SGCD: variants seen among roughly 807,000 people sequenced by gnomAD.
SGCD encodes sarcoglycan delta.
In SGCD, 18 loss-of-function variants were observed where a neutral mutation model predicts 36.6. The observed-to-expected ratio is 0.49, with a 90% CI of 0.34 to 0.73. The LOEUF (loss-of-function observed/expected upper bound fraction) is 0.73, where lower values mean the gene tolerates loss of function less well. Ranked by LOEUF, SGCD falls within the 30% of genes least tolerant of loss-of-function variation. The pLI, the probability that SGCD is intolerant of heterozygous loss-of-function variation, is 0.01. For missense variants in SGCD, 387 were observed against 346.7 expected, an observed-to-expected ratio of 1.12 and a Z score of -0.92; for synonymous variants, 133 against 130.6, an observed-to-expected ratio of 1.02 and a Z score of -0.12.
chr5:155,860,903 G>A, the SGCD span, among the ~76,000 whole-genome samples: 1 of 152,164 alleles, frequency 6.6e-6, no homozygotes, highest in Non-Finnish European at 1.5e-5. Flanking sequence ...TATAATGCAA[G>A]GTTTTTATAA....
At chr5:156,253,630 TAAC>T (rs1313658195) in intron 3 of SGCD, among the ~76,000 whole-genome samples, 4 of 152,292 alleles carry the variant, frequency 2.6e-5, no homozygotes, top group East Asian at 3.9e-4. Flanking sequence ...CTATAAATCA[TAAC>T]AACGAGTATA....
At chr5:155,813,997 G>A in the SGCD span, among the ~76,000 whole-genome samples, 15 of 152,094 alleles carry the variant, frequency 9.9e-5, no homozygotes, top group African/African-American at 2.9e-4. Context: ...TGAGATATTG[G>A]CACTGTGAAA....
At chr5:156,221,332 T>A (rs1403524225) in intron 3 of SGCD, among the ~76,000 whole-genome samples, 1 of 152,108 alleles carries the variant, frequency 6.6e-6, no homozygotes, top group Non-Finnish European at 1.5e-5. Flanking sequence ...ATGTATTCAT[T>A]GAATCATTAC....
Position 156,763,077 on chromosome 5 carries a change from A to G in SGCD, c.*3687A>G, listed in dbSNP as rs72803046. 12,162 of 152,670 alleles carry G rather than the reference A, an allele frequency of 0.08. 781 individuals carry two copies. Among genetic ancestry groups the G allele is most frequent in the African/African-American group, 0.17 (7,222 of 41,494 alleles). The allele number at this position is 152,670 out of a possible 1,614,324, so 9.5% of individuals were successfully genotyped here. Reference sequence around the variant, plus strand: ...GGAGGATGGGATTAGTGGAAGCTTAATGGAAAAGGAAAGTTATGATCCTCC... The same window carrying G: ...GGAGGATGGGATTAGTGGAAGCTTAGTGGAAAAGGAAAGTTATGATCCTCC... On this transcript the variant is annotated 3_prime_UTR_variant, in exon 9 of 9. Transcript: ENST00000337851.
rs1208823144 is a variant in SGCD, at chr5:156,344,417, T to TG, written c.4-72_4-71insG. On this transcript the variant is annotated intron_variant, in intron 2 of 8. Transcript: ENST00000337851. ...CATATCTCTTCATCAGTTGATTTTT[T>TG]TTTCCTTTATTTTTTTTCTCTTCTC... 4 of 1,090,642 alleles carry TG rather than the reference T, an allele frequency of 3.7e-6. No homozygotes were observed. The Admixed American group carries it at 1.1e-4, about 30-fold the overall frequency. The allele number at this position is 1,090,642 out of a possible 1,614,324, so 67.6% of individuals were successfully genotyped here. A position where few individuals can be genotyped will look rare whatever the true frequency, so the allele number is the denominator to read the frequency against.
At chr5:155,950,200 C>T (rs1757522441) in intron 1 of SGCD, among the ~76,000 whole-genome samples, 1 of 152,132 alleles carries the variant, frequency 6.6e-6, no homozygotes, top group Non-Finnish European at 1.5e-5. Flanking sequence ...TGTCTCTACT[C>T]CGTTCTTTGA....
chr5:155,742,594 G>A, the SGCD span, among the ~76,000 whole-genome samples: 1 of 152,202 alleles, frequency 6.6e-6, no homozygotes, highest in South Asian at 2.1e-4. Flanking sequence ...ACGTTCAGAC[G>A]TTACAAGCCT....
At chr5:156,563,498 C>A (rs1265321180) in intron 4 of SGCD, among the ~76,000 whole-genome samples, 1 of 152,200 alleles carries the variant, frequency 6.6e-6, no homozygotes, top group Non-Finnish European at 1.5e-5. Context: ...AGGCAGTCTT[C>A]TACAATGTGA....
intron 2 of SGCD, among the ~76,000 whole-genome samples, chr5:156,120,953 T>C (rs1234414333): frequency 1.3e-5 from 2 of 152,098 alleles, no homozygotes; most frequent in African/African-American, 4.8e-5. Flanking sequence ...GCCAAGATCA[T>C]CCTCAAATTG....
At chr5:156,729,144 T>C (rs1755931786) in intron 7 of SGCD, among the ~76,000 whole-genome samples, 1 of 152,238 alleles carries the variant, frequency 6.6e-6, no homozygotes, top group South Asian at 2.1e-4. Flanking sequence ...CTGTACCATG[T>C]AGAGAATTTG....
chr5:156,213,528 CT>C (rs1198232775), intron 3 of SGCD, among the ~76,000 whole-genome samples: 3 of 152,006 alleles, frequency 2.0e-5, no homozygotes, highest in Non-Finnish European at 4.4e-5. Context: ...CTGCTGAATT[CT>C]ATCAAACATT....
chr5:156,075,935 G>T (rs1011627243), intron 1 of SGCD, among the ~76,000 whole-genome samples: 1 of 152,122 alleles, frequency 6.6e-6, no homozygotes, highest in Non-Finnish European at 1.5e-5. Flanking sequence ...AGGCTTTGGG[G>T]CTTCCACACA....
intron 4 of SGCD, among the ~76,000 whole-genome samples, chr5:156,580,837 G>T (rs1760224545): frequency 6.6e-6 from 1 of 152,088 alleles, no homozygotes; most frequent in African/African-American, 2.4e-5. Flanking sequence ...CCTTGTGATG[G>T]GTTCGAACAT....
At chr5:155,962,705 T>G (rs1757816076) in intron 1 of SGCD, among the ~76,000 whole-genome samples, 1 of 152,088 alleles carries the variant, frequency 6.6e-6, no homozygotes, top group Admixed American at 6.6e-5. Flanking sequence ...GCCGGTAGAA[T>G]AGGTGCCTGA....
At chr5:155,902,772 C>T (rs562463894) in intron 1 of SGCD, among the ~76,000 whole-genome samples, 8 of 152,230 alleles carry the variant, frequency 5.3e-5, no homozygotes, top group African/African-American at 1.9e-4. Context: ...TCTGCTGTTC[C>T]TTTGTTTTCT....
intron 7 of SGCD, among the ~76,000 whole-genome samples, chr5:156,654,629 A>G (rs79178039): frequency 0.031 from 4,735 of 152,180 alleles, 165 homozygotes; most frequent in African/African-American, 0.08. Context: ...TTGAGGTATT[A>G]GTTTCTGAGT....
chr5:156,246,408 G>A (rs138701326), intron 3 of SGCD, among the ~76,000 whole-genome samples: 6 of 151,974 alleles, frequency 3.9e-5, no homozygotes, highest in Middle Eastern at 6.8e-3. Context: ...TCAATAATTT[G>A]TTTTCAGTTA....
At chr5:155,932,078 A>G (rs1244388002) in intron 1 of SGCD, among the ~76,000 whole-genome samples, 2 of 152,134 alleles carry the variant, frequency 1.3e-5, no homozygotes, top group Non-Finnish European at 2.9e-5. Context: ...CCACTTCCTA[A>G]TAACCCACCT....
chr5:155,838,018 C>A, the SGCD span, among the ~76,000 whole-genome samples: 1 of 152,104 alleles, frequency 6.6e-6, no homozygotes, highest in African/African-American at 2.4e-5. Context: ...GCGTAATGAA[C>A]TTTGTGAACC....
Sources: gnomAD v4.1 joint callset for allele counts (sites outside exome capture counted in the v4.1 genomes callset) on GRCh38, gnomAD v4.1.1 for gene constraint, MANE v1.5 for transcripts, NCBI Gene and HGNC (gene_info 2026-07-23, HGNC 2026-07-21) for gene names.